The following MYT1L variants were observed in gnomAD, a reference collection of about 807,000 sequenced individuals.
MYT1L encodes myelin transcription factor 1 like.
Under a neutral mutation model 126.7 loss-of-function variants are expected in MYT1L, and 12 were observed. That is an observed-to-expected ratio of 0.09 (90% CI 0.06 to 0.15). The LOEUF is 0.15. Among genes scored for constraint, MYT1L ranks in the 10% least tolerant of loss-of-function variants. MYT1L has a pLI of 1.00. For synonymous variants in MYT1L, 541 were observed against 604.2 expected (o/e 0.90, Z 1.53); for missense variants, 979 against 1,585.2 (o/e 0.62, Z 6.49).
At chr2:1,821,640 T>C (rs2038538512) in intron 21 of MYT1L, among the ~76,000 whole-genome samples, 1 of 152,262 alleles carries the variant, frequency 6.6e-6, no homozygotes, top group South Asian at 2.1e-4. Context: ...TTGCCTTCAG[T>C]GGCCGGAGTC....
chr2:1,857,914 G>A (rs1314961075), intron 18 of MYT1L, among the ~76,000 whole-genome samples: 1 of 151,598 alleles, frequency 6.6e-6, no homozygotes, highest in African/African-American at 2.4e-5. Flanking sequence ...CCAGGCTGGA[G>A]TACAGTGGTG....
intron 3 of MYT1L, among the ~76,000 whole-genome samples, chr2:2,145,791 A>C (rs1393271108): frequency 1.3e-5 from 2 of 152,224 alleles, no homozygotes; most frequent in African/African-American, 4.8e-5. Flanking sequence ...GTTTTGACAA[A>C]TATATGTTAA....
At chr2:2,267,907 C>G (rs1050356494) in intron 2 of MYT1L, among the ~76,000 whole-genome samples, 1 of 152,110 alleles carries the variant, frequency 6.6e-6, no homozygotes, top group Non-Finnish European at 1.5e-5. Context: ...GAACCACATC[C>G]TAAGCTCCCA....
At chr2:1,880,855 A>G (rs116118802) in intron 18 of MYT1L, among the ~76,000 whole-genome samples, 441 of 152,372 alleles carry the variant, frequency 2.9e-3, no homozygotes, top group Middle Eastern at 0.01. Context: ...GTATTACCCA[A>G]GTCTGAGTTT....
chr2:2,194,224 C>G (rs953928568), intron 2 of MYT1L, among the ~76,000 whole-genome samples: 11 of 151,978 alleles, frequency 7.2e-5, no homozygotes, highest in African/African-American at 2.4e-4. Flanking sequence ...GGACCACAGG[C>G]ACAAGCCCCT....
intron 1 of MYT1L, among the ~76,000 whole-genome samples, chr2:2,287,824 A>G (rs1226990588): frequency 2.0e-5 from 3 of 152,244 alleles, no homozygotes; most frequent in African/African-American, 7.2e-5. Context: ...CTTGCCATGG[A>G]AATTGTAATA....
Position 2,296,667 on chromosome 2 carries a change from C to T in MYT1L, c.-520-12164G>A, listed in dbSNP as rs576604702. Among the ~76,000 whole-genome samples, 20 of 152,156 alleles carry T rather than the reference C, an allele frequency of 1.3e-4. No homozygotes were observed. The South Asian group carries it at 2.3e-3, about 17-fold the overall frequency. ...GACTCTGTCTGTGGTACCTCAGGCC[C>T]GGTGGGGACACAGAAAGGAGAGACA... On this transcript the variant is annotated intron_variant, in intron 1 of 24. Transcript: ENST00000647738.
At chr2:1,938,233 A>AC (rs2056234835) in intron 9 of MYT1L, among the ~76,000 whole-genome samples, 2 of 152,228 alleles carry the variant, frequency 1.3e-5, no homozygotes, top group Non-Finnish European at 2.9e-5. Context: ...GAGATATTTT[A>AC]GTGGACTGGA....
At chr2:2,183,900 AAAGG>A (rs1173993839) in intron 2 of MYT1L, among the ~76,000 whole-genome samples, 15 of 144,534 alleles carry the variant, frequency 1.0e-4, no homozygotes, top group South Asian at 2.3e-4. Flanking sequence ...AAGGAAGAAA[AAAGG>A]AAGGAAGGAA....
chr2:2,243,256 T>C (rs1216070640), intron 2 of MYT1L, among the ~76,000 whole-genome samples: 2 of 152,258 alleles, frequency 1.3e-5, no homozygotes, highest in Non-Finnish European at 2.9e-5. Context: ...TGGACAGGCA[T>C]GTCCTATTTT....
chr2:1,923,370 C>T lies in MYT1L; in HGVS notation c.506-107G>A, dbSNP rs528906516. The T allele has an allele frequency of 7.7e-6, 7 of 908,960 alleles. 1 individual carries two copies. The Admixed American group carries it at 8.3e-5, about 11-fold the overall frequency. The allele number at this position is 908,960 out of a possible 1,614,324, so 56.3% of individuals were successfully genotyped here. A position where few individuals can be genotyped will look rare whatever the true frequency, so the allele number is the denominator to read the frequency against. ...ATAGCACGTTAACTGCAAGTCAAAC[C>T]GTCTATCATCTCACAGAACTGTAAG... On this transcript the variant is annotated intron_variant, in intron 9 of 24. Coordinates refer to ENST00000647738, the MANE Select transcript of MYT1L (RefSeq NM_001303052.2).
chr2:1,838,645 A>G (rs944072838), intron 21 of MYT1L, among the ~76,000 whole-genome samples: 1 of 152,202 alleles, frequency 6.6e-6, no homozygotes, highest in Non-Finnish European at 1.5e-5. Context: ...GGCCTCTCCT[A>G]AGATAATCTA....
In MYT1L at chr2:1,934,307, T is replaced by TATATATATATATATATATATATACAC. The variant is rs71276816; in HGVS notation, c.505+8674_505+8675insGTGTATATATATATATATATATATAT. 6.7e-4 allele frequency among the ~76,000 whole-genome samples: 89 copies of TATATATATATATATATATATATACAC among 132,156 alleles called. 5 individuals are homozygous for TATATATATATATATATATATATACAC. In the East Asian group the frequency reaches 9.2e-3, roughly 14 times the overall value. The allele number at this position is 132,156 out of a possible 152,430, so 86.7% of individuals were successfully genotyped here. A position where few individuals can be genotyped will look rare whatever the true frequency, so the allele number is the denominator to read the frequency against. On this transcript the variant is annotated intron_variant, in intron 9 of 24. Coordinates refer to ENST00000647738, the MANE Select transcript of MYT1L (RefSeq NM_001303052.2). The stretch of plus-strand genomic sequence containing the variant: ...TTTTTATAACATATATATATATATA[T>TATATATATATATATATATATATACAC]ACAACCTCATATATGTAATTTATAG...
In MYT1L at chr2:2,002,482, G is replaced by T. The variant is rs928712145; in HGVS notation, c.-157-5135C>A. ...GTTGGTCTGTCATTGGATGCCACTG[G>T]TAAGTGTCAGGCCACTGTTGTGCTC... On this transcript the variant is annotated intron_variant, in intron 4 of 24. Coordinates refer to ENST00000647738, the MANE Select transcript of MYT1L (RefSeq NM_001303052.2). Among the ~76,000 whole-genome samples, 5 of 152,332 alleles carry T rather than the reference G, an allele frequency of 3.3e-5. No individual in the cohort carries two copies. The East Asian group carries it at 9.6e-4, about 29-fold the overall frequency.
At chr2:1,915,630 A>C (rs2052713238) in intron 11 of MYT1L, among the ~76,000 whole-genome samples, 1 of 152,254 alleles carries the variant, frequency 6.6e-6, no homozygotes, top group Admixed American at 6.5e-5. Context: ...GATGAAGTAC[A>C]GAGAGCTGCA....
At chr2:2,211,972 T>C (rs2093533221) in intron 2 of MYT1L, among the ~76,000 whole-genome samples, 1 of 152,042 alleles carries the variant, frequency 6.6e-6, no homozygotes. Context: ...ACTGAGGCCC[T>C]CATAAACTGC....
At chr2:1,850,026 G>A (rs2043005434) in intron 19 of MYT1L, among the ~76,000 whole-genome samples, 1 of 111,802 alleles carries the variant, frequency 8.9e-6, no homozygotes, top group African/African-American at 3.8e-5. Flanking sequence ...TAGGGGGCGG[G>A]GTGGTGAGGG....
intron 14 of MYT1L, among the ~76,000 whole-genome samples, chr2:1,897,025 G>A (rs1449748868): frequency 2.0e-5 from 3 of 152,152 alleles, no homozygotes; most frequent in South Asian, 2.1e-4. Context: ...AATTTTAGTC[G>A]GTGACTGAAC....
At chr2:2,123,896 C>G (rs1223924111) in intron 3 of MYT1L, among the ~76,000 whole-genome samples, 1 of 152,096 alleles carries the variant, frequency 6.6e-6, no homozygotes, top group African/African-American at 2.4e-5. Context: ...GTGGCGGGGC[C>G]CTGAGCCCTG....
Sources: allele counts gnomAD v4.1 joint callset (sites outside exome capture counted in the v4.1 genomes callset), GRCh38; gene constraint gnomAD v4.1.1; transcripts MANE v1.5; gene names NCBI Gene and HGNC (gene_info 2026-07-23, HGNC 2026-07-21).